RASGRP3: variants seen among roughly 807,000 people sequenced by gnomAD.
The protein encoded by RASGRP3 is ras guanyl-releasing protein 3.
In RASGRP3, 54 loss-of-function variants were observed where a neutral mutation model predicts 82.7. That is an observed-to-expected ratio of 0.65 (90% CI 0.52 to 0.82). RASGRP3 has a LOEUF of 0.82. RASGRP3 is among the 40% of genes least tolerant of loss of function. The pLI, the probability that RASGRP3 is intolerant of heterozygous loss-of-function variation, is 0.00. For missense variants in RASGRP3, 861 were observed against 828.9 expected, an observed-to-expected ratio of 1.04 and a Z score of -0.48; for synonymous variants, 309 against 300.5, an observed-to-expected ratio of 1.03 and a Z score of -0.29.
At chr2:33,444,444 T>G (rs1346681060) in intron 1 of RASGRP3, among the ~76,000 whole-genome samples, 1 of 152,230 alleles carries the variant, frequency 6.6e-6, no homozygotes, top group Non-Finnish European at 1.5e-5. Context: ...AGTGTGTATT[T>G]TATCCTTACT....
intron 10 of RASGRP3, among the ~76,000 whole-genome samples, chr2:33,529,973 A>C (rs1672953465): frequency 6.6e-6 from 1 of 152,142 alleles, no homozygotes; most frequent in Non-Finnish European, 1.5e-5. Context: ...CACAGCCAAG[A>C]AGAAAGTTTA....
At chr2:33,447,725 C>T (rs1665580150) in intron 1 of RASGRP3, 1 of 152,258 alleles carries the variant, frequency 6.6e-6, no homozygotes. Context: ...GCACCCGGCC[C>T]ATGTCTGTGT....
chr2:33,473,075 A>C (rs769215302), upstream of RASGRP3, among the ~76,000 whole-genome samples: 1 of 148,890 alleles, frequency 6.7e-6, no homozygotes, highest in Non-Finnish European at 1.5e-5. Context: ...TTAAAAGAGC[A>C]AGTCTGGCTG....
At chr2:33,469,580 C>T (rs1160672552) in intron 2 of RASGRP3, among the ~76,000 whole-genome samples, 1 of 151,906 alleles carries the variant, frequency 6.6e-6, no homozygotes, top group African/African-American at 2.4e-5. Context: ...CTGCCTCAGC[C>T]TCCCTAGTAG....
chr2:33,476,489 C>G (rs1212439327), upstream of RASGRP3: 1 of 152,206 alleles, frequency 6.6e-6, no homozygotes, highest in African/African-American at 2.4e-5. Context: ...GCTGAGCCAA[C>G]TCAGGGGTTA....
At chr2:33,495,585 T>G (rs1014383068) in intron 1 of RASGRP3, among the ~76,000 whole-genome samples, 2 of 152,084 alleles carry the variant, frequency 1.3e-5, no homozygotes, top group Middle Eastern at 3.2e-3. Flanking sequence ...ATGAGTGAAA[T>G]GAATTAGGAA....
chr2:33,533,340 C>T (rs1357998934), intron 10 of RASGRP3: 3 of 152,178 alleles, frequency 2.0e-5, no homozygotes, highest in African/African-American at 7.2e-5. Flanking sequence ...CTGGTTAAGT[C>T]CCAATTCACA....
intron 1 of RASGRP3, among the ~76,000 whole-genome samples, chr2:33,437,379 A>G (rs1269404908): frequency 6.6e-6 from 1 of 152,256 alleles, no homozygotes; most frequent in Non-Finnish European, 1.5e-5. Context: ...ATTCTTTGCC[A>G]TTAAACAAGC....
intron 1 of RASGRP3, among the ~76,000 whole-genome samples, chr2:33,445,642 G>A (rs1665458825): frequency 6.6e-6 from 1 of 151,662 alleles, no homozygotes; most frequent in African/African-American, 2.4e-5. Context: ...TTCTAAACAT[G>A]TATGCATTTG....
At chr2:33,505,237 T>A (rs1179432745) in intron 1 of RASGRP3, among the ~76,000 whole-genome samples, 1 of 151,722 alleles carries the variant, frequency 6.6e-6, no homozygotes, top group East Asian at 1.9e-4. Context: ...AGTAAGGGAA[T>A]GTGACTTTAT....
intron 1 of RASGRP3, among the ~76,000 whole-genome samples, chr2:33,446,014 G>T (rs1032416071): frequency 6.6e-6 from 1 of 152,160 alleles, no homozygotes; most frequent in Non-Finnish European, 1.5e-5. Flanking sequence ...TAGGTAGAGA[G>T]ACCTTTTTTA....
chr2:33,505,493 G>T (rs1307268140), intron 1 of RASGRP3, among the ~76,000 whole-genome samples: 2 of 151,926 alleles, frequency 1.3e-5, no homozygotes, highest in African/African-American at 4.8e-5. Flanking sequence ...GTAGAGACGG[G>T]GTTTCTCCAT....
chr2:33,455,322 T>C (rs1218949136), intron 2 of RASGRP3, among the ~76,000 whole-genome samples: 1 of 152,240 alleles, frequency 6.6e-6, no homozygotes, highest in Non-Finnish European at 1.5e-5. Context: ...ATAGTAGTAA[T>C]GTTCTGGACT....
chr2:33,446,994 T>A (rs1433961134), intron 1 of RASGRP3, among the ~76,000 whole-genome samples: 1 of 151,416 alleles, frequency 6.6e-6, no homozygotes, highest in East Asian at 1.9e-4. Flanking sequence ...ATACAAAAAA[T>A]TAGCCAGGTG....
chr2:33,545,944 A>G (rs1674693323), intron 13 of RASGRP3, among the ~76,000 whole-genome samples: 1 of 151,826 alleles, frequency 6.6e-6, no homozygotes, highest in South Asian at 2.1e-4. Context: ...AGCTGGTTAT[A>G]GGCATGCACC....
intron 1 of RASGRP3, among the ~76,000 whole-genome samples, chr2:33,446,873 GTGGCTCACTCCTGTAAT>G (rs1436071407): frequency 1.3e-5 from 2 of 152,018 alleles, no homozygotes; most frequent in Admixed American, 1.3e-4. Context: ...GCCGGGTGCG[GTGGCTCACTCCTGTAAT>G]CCCAGCACTT....
intron 1 of RASGRP3, among the ~76,000 whole-genome samples, chr2:33,444,490 G>A (rs993356242): frequency 3.9e-5 from 6 of 152,142 alleles, no homozygotes; most frequent in African/African-American, 1.4e-4. Context: ...ATTTCAAGTT[G>A]ATAGCTTCAG....
At chr2:33,444,215 A>T (rs1665384165) in intron 1 of RASGRP3, among the ~76,000 whole-genome samples, 1 of 152,030 alleles carries the variant, frequency 6.6e-6, no homozygotes, top group Admixed American at 6.6e-5. Context: ...CTGAGGTGAG[A>T]GGATTGCTTG....
intron 2 of RASGRP3, among the ~76,000 whole-genome samples, chr2:33,514,714 CA>C (rs201792135): frequency 6.6e-6 from 1 of 150,792 alleles, no homozygotes; most frequent in African/African-American, 2.4e-5. Context: ...CAAAAACAAT[CA>C]AAAAAAAGGA....
Sources: allele counts gnomAD v4.1 joint callset (sites outside exome capture counted in the v4.1 genomes callset), GRCh38; gene constraint gnomAD v4.1.1; transcripts MANE v1.5; gene names NCBI Gene and HGNC (gene_info 2026-07-23, HGNC 2026-07-21).